Variants in TFAP2D observed in about 807,000 individuals in gnomAD.
TFAP2D encodes the protein transcription factor AP-2 delta, also known as transcription factor AP-2-delta.
Under a neutral mutation model 43.6 loss-of-function variants are expected in TFAP2D, and 9 were observed. That is an observed-to-expected ratio of 0.21 (90% CI 0.12 to 0.36). The LOEUF is 0.36. Among genes scored for constraint, TFAP2D ranks in the 10% least tolerant of loss-of-function variants. The pLI, the probability that TFAP2D is intolerant of heterozygous loss-of-function variation, is 1.00. For missense variants in TFAP2D, 513 were observed against 561.4 expected (o/e 0.91, Z 0.87); for synonymous variants, 256 against 224.9 (o/e 1.14, Z -1.24).
chr6:50,756,707 G>A (rs568315425), intron 7 of TFAP2D, among the ~76,000 whole-genome samples: 6 of 152,104 alleles, frequency 3.9e-5, no homozygotes, highest in East Asian at 1.9e-4. Context: ...TCAACAGTGT[G>A]TATTGTTGTA....
intron 5 of TFAP2D, among the ~76,000 whole-genome samples, chr6:50,742,887 A>T (rs1391448304): frequency 4.6e-5 from 7 of 150,610 alleles, no homozygotes; most frequent in African/African-American, 1.7e-4. Flanking sequence ...AAACTTCTCA[A>T]ATAATCTCCC....
intron 2 of TFAP2D, 37 bp downstream of exon 2, chr6:50,715,650 C>T: frequency 6.5e-7 from 1 of 1,543,896 alleles, no homozygotes; most frequent in East Asian, 2.3e-5. Flanking sequence ...TGCTCCCTCC[C>T]CTCTTCGCCC....
rs1391664501 is a variant in TFAP2D, at chr6:50,723,609, G to A, written c.598+4459G>A. The stretch of plus-strand genomic sequence containing the variant: ...TTAGTCCCCAGTGCAGATTCTGCAG[G>A]TTTGAAATTCAATCTCCTTTATATG... On this transcript the variant is annotated intron_variant, in intron 3 of 7. Coordinates refer to ENST00000008391, the MANE Select transcript of TFAP2D (RefSeq NM_172238.4). Among the ~76,000 whole-genome samples, 3 of 152,166 alleles carry A rather than the reference G, an allele frequency of 2.0e-5. No homozygotes were observed. The East Asian group carries it at 5.8e-4, about 29-fold the overall frequency.
At chr6:50,726,889 G>T (rs1036046277) in intron 3 of TFAP2D, among the ~76,000 whole-genome samples, 1 of 152,298 alleles carries the variant, frequency 6.6e-6, no homozygotes, top group South Asian at 2.1e-4. Flanking sequence ...AGAGGGGGAA[G>T]TACAGGAGAA....
chr6:50,719,272 C>A, intron 3 of TFAP2D, 122 bp downstream of exon 3: 1 of 1,039,314 alleles, frequency 9.6e-7, no homozygotes, highest in Middle Eastern at 2.7e-4. Flanking sequence ...TATGCTTAGT[C>A]AATTATTCTA....
intron 7 of TFAP2D, among the ~76,000 whole-genome samples, chr6:50,768,220 T>TC (rs1425194860): frequency 6.6e-6 from 1 of 151,706 alleles, no homozygotes; most frequent in Non-Finnish European, 1.5e-5. Flanking sequence ...GTCTTATTTT[T>TC]TTTTTTTTTT....
intron 7 of TFAP2D, among the ~76,000 whole-genome samples, chr6:50,768,855 A>G (rs1369358850): frequency 2.0e-5 from 3 of 150,154 alleles, no homozygotes; most frequent in Non-Finnish European, 4.4e-5. Flanking sequence ...TTTTTTTTAT[A>G]TTGAATATCC....
intron 6 of TFAP2D, among the ~76,000 whole-genome samples, chr6:50,749,206 A>G (rs1156611132): frequency 6.6e-6 from 1 of 151,716 alleles, no homozygotes; most frequent in Admixed American, 6.6e-5. Flanking sequence ...TACTCCTGGT[A>G]GATCCTCCTG....
At chr6:50,734,125 C>A (rs780807140) in intron 5 of TFAP2D, among the ~76,000 whole-genome samples, 2 of 151,712 alleles carry the variant, frequency 1.3e-5, no homozygotes, top group Non-Finnish European at 2.9e-5. Flanking sequence ...CAGTTTAAAT[C>A]CTTAGTAACT....
At chr6:50,767,094 G>A (rs879008681) in intron 7 of TFAP2D, among the ~76,000 whole-genome samples, 1 of 152,112 alleles carries the variant, frequency 6.6e-6, no homozygotes, top group Non-Finnish European at 1.5e-5. Context: ...AGAGTCTTCA[G>A]GATTTTCTAA....
intron 6 of TFAP2D, among the ~76,000 whole-genome samples, chr6:50,749,684 T>C (rs1238356144): frequency 6.6e-6 from 1 of 151,930 alleles, no homozygotes; most frequent in Admixed American, 6.6e-5. Flanking sequence ...CATTCATTGA[T>C]TAAAATATGG....
At chr6:50,725,748 G>C (rs949192870) in intron 3 of TFAP2D, among the ~76,000 whole-genome samples, 2 of 152,050 alleles carry the variant, frequency 1.3e-5, no homozygotes, top group African/African-American at 4.8e-5. Context: ...TCAATCTAAA[G>C]GCAAAACCCT....
At chr6:50,729,110 G>C in intron 4 of TFAP2D, 84 bp from the exon 5 acceptor site, 1 of 1,601,546 alleles carries the variant, frequency 6.2e-7, no homozygotes, top group East Asian at 2.2e-5. Flanking sequence ...ATCTGATAGT[G>C]TATTCCCCAT....
chr6:50,715,488 G>A lies in TFAP2D; in HGVS notation c.412G>A (p.Asp138Asn). 6.2e-7 allele frequency: 1 copy of A among 1,613,706 alleles called. No homozygotes were observed. The highest frequency in any genetic ancestry group is 8.5e-7 in the Non-Finnish European group (1 of 1,180,018). Residue 138 changes from aspartate to asparagine, a missense_variant, in exon 2 of 8, where the codon GAT becomes AAT. Physicochemically the swap from Asp to Asn is conservative, Grantham distance 23. Transcript: ENST00000008391. ...DEQRRELGCL[D>N]AYRRHDLSLM... The stretch of plus-strand genomic sequence containing the variant: ...GCAGAGGCGGGAGCTGGGCTGCCTC[G>A]ATGCCTACCGCCGCCATGACCTGTC...
At chr6:50,726,053 G>A (rs763638987) in intron 3 of TFAP2D, among the ~76,000 whole-genome samples, 5 of 152,182 alleles carry the variant, frequency 3.3e-5, no homozygotes, top group Non-Finnish European at 7.3e-5. Flanking sequence ...TGCAGCTTGT[G>A]TAACTTACCT....
chr6:50,767,527 C>T (rs971269825), intron 7 of TFAP2D, among the ~76,000 whole-genome samples: 16 of 152,154 alleles, frequency 1.1e-4, no homozygotes, highest in Admixed American at 1.3e-4. Flanking sequence ...GGGATTGTTA[C>T]TTCTTTCTCC....
chr6:50,768,623 T>C (rs1388214399), intron 7 of TFAP2D, among the ~76,000 whole-genome samples: 4 of 152,210 alleles, frequency 2.6e-5, no homozygotes, highest in African/African-American at 9.6e-5. Flanking sequence ...CACTTCTTTT[T>C]ACATTATTGT....
chr6:50,725,001 G>C (rs1581760775), intron 3 of TFAP2D, among the ~76,000 whole-genome samples: 2 of 152,172 alleles, frequency 1.3e-5, no homozygotes, highest in Admixed American at 1.3e-4. Flanking sequence ...AGAGTCATTC[G>C]CCCAAAGTTG....
chr6:50,746,679 A>C (rs1769129130), intron 6 of TFAP2D, among the ~76,000 whole-genome samples: 1 of 152,164 alleles, frequency 6.6e-6, no homozygotes, highest in African/African-American at 2.4e-5. Context: ...ATAAAACCAA[A>C]ACTAAATATT....
Sources: gnomAD v4.1 joint callset for allele counts (sites outside exome capture counted in the v4.1 genomes callset) on GRCh38, gnomAD v4.1.1 for gene constraint, MANE v1.5 for transcripts, NCBI Gene and HGNC (gene_info 2026-07-23, HGNC 2026-07-21) for gene names.